The following KAZN variants were observed in gnomAD, a reference collection of about 807,000 sequenced individuals.
The protein encoded by KAZN is kazrin.
In KAZN, 40 loss-of-function variants were observed where a neutral mutation model predicts 87.4. That is an observed-to-expected ratio of 0.46 (90% CI 0.36 to 0.60). KAZN has a LOEUF of 0.60. Ranked by LOEUF, KAZN falls within the 20% of genes least tolerant of loss-of-function variation. KAZN has a pLI of 0.00. For synonymous variants in KAZN, 466 were observed against 458.3 expected, an observed-to-expected ratio of 1.02 and a Z score of -0.22; for missense variants, 898 against 1,073.9, an observed-to-expected ratio of 0.84 and a Z score of 2.29.
At chr1:14,286,569 T>C (rs1653268910) in intron 2 of KAZN, among the ~76,000 whole-genome samples, 1 of 152,214 alleles carries the variant, frequency 6.6e-6, no homozygotes, top group Non-Finnish European at 1.5e-5. Context: ...TATTAGCCAT[T>C]ATTACACACT....
chr1:14,624,990 A>T (rs1322709705), intron 1 of KAZN, among the ~76,000 whole-genome samples: 1 of 152,054 alleles, frequency 6.6e-6, no homozygotes. Flanking sequence ...TCTGGTTTTT[A>T]AAATTAAGTA....
chr1:14,998,651 C>T (rs1668146359), intron 2 of KAZN, among the ~76,000 whole-genome samples: 1 of 152,194 alleles, frequency 6.6e-6, no homozygotes. Flanking sequence ...CGTGTTCAAG[C>T]CATTCTCCTG....
At chr1:14,040,796 AAT>A (rs1557426875) in intron 1 of KAZN, among the ~76,000 whole-genome samples, 1 of 151,300 alleles carries the variant, frequency 6.6e-6, no homozygotes, top group Non-Finnish European at 1.5e-5. Flanking sequence ...AATTAAATTA[AAT>A]TAAAATAAAA....
chr1:14,045,346 A>C (rs964357852), intron 1 of KAZN, among the ~76,000 whole-genome samples: 1 of 152,244 alleles, frequency 6.6e-6, no homozygotes, highest in East Asian at 1.9e-4. Context: ...AGCATCATCC[A>C]TCAAGGACAG....
chr1:14,326,579 C>A (rs1046880878), intron 2 of KAZN, among the ~76,000 whole-genome samples: 1 of 152,140 alleles, frequency 6.6e-6, no homozygotes, highest in South Asian at 2.1e-4. Context: ...CCCCATCCTA[C>A]TCAAAATAAA....
intron 1 of KAZN, among the ~76,000 whole-genome samples, chr1:14,165,017 A>T (rs973054046): frequency 3.3e-5 from 5 of 151,846 alleles, no homozygotes; most frequent in African/African-American, 1.2e-4. Context: ...AAGCATGATT[A>T]TATGTCAAAT....
chr1:14,338,724 A>C (rs1207623156), intron 2 of KAZN, among the ~76,000 whole-genome samples: 1 of 152,198 alleles, frequency 6.6e-6, no homozygotes, highest in Non-Finnish European at 1.5e-5. Flanking sequence ...GCAGGGTAGG[A>C]AGCACCAAGG....
intron 1 of KAZN, among the ~76,000 whole-genome samples, chr1:14,134,837 A>G (rs1645069991): frequency 6.6e-6 from 1 of 152,082 alleles, no homozygotes; most frequent in South Asian, 2.1e-4. Context: ...AGCAATAAAG[A>G]CGGAAAATGG....
At chr1:14,330,420 T>G (rs1205033244) in intron 2 of KAZN, among the ~76,000 whole-genome samples, 11 of 152,180 alleles carry the variant, frequency 7.2e-5, no homozygotes, top group Admixed American at 7.2e-4. Context: ...ATCCTAGCTG[T>G]GCCAGTGAGG....
intron 2 of KAZN, among the ~76,000 whole-genome samples, chr1:14,347,904 A>C (rs1002097223): frequency 6.7e-6 from 1 of 149,580 alleles, no homozygotes; most frequent in African/African-American, 2.5e-5. Flanking sequence ...TCTTTTTTAG[A>C]GTCAGTGTCT....
At chr1:14,922,791 C>CGAAA (rs1658672422) in intron 1 of KAZN, among the ~76,000 whole-genome samples, 1 of 75,572 alleles carries the variant, frequency 1.3e-5, no homozygotes, top group Non-Finnish European at 2.6e-5. Context: ...GACTCTGTCT[C>CGAAA]AAAAAAAAAA....
chr1:14,261,967 C>A (rs78686313), intron 2 of KAZN, among the ~76,000 whole-genome samples: 1 of 152,122 alleles, frequency 6.6e-6, no homozygotes, highest in South Asian at 2.1e-4. Context: ...TGGCATACAT[C>A]ATGCTTTTAG....
intron 3 of KAZN, among the ~76,000 whole-genome samples, chr1:15,041,331 C>CTTTTTTTTTTTTTTTTTTTTTTTTTT (rs71000360): frequency 8.8e-6 from 1 of 114,136 alleles, no homozygotes; most frequent in African/African-American, 3.5e-5. Context: ...CATTTTTTTT[C>CTTTTTTTTTTTTTTTTTTTTTTTTTT]TTTTTTTTTT....
intron 1 of KAZN, among the ~76,000 whole-genome samples, chr1:14,786,318 C>T (rs1315068155): frequency 6.6e-6 from 1 of 152,144 alleles, no homozygotes; most frequent in African/African-American, 2.4e-5. Flanking sequence ...TATTTTAAGC[C>T]AGGCAATGCT....
chr1:14,812,354 G>A, intron 1 of KAZN, among the ~76,000 whole-genome samples: 1 of 152,186 alleles, frequency 6.6e-6, no homozygotes, highest in South Asian at 2.1e-4. Flanking sequence ...TTGAGCAACT[G>A]TACTCAGCAT....
In KAZN at chr1:14,642,180, A is replaced by T. The variant is rs555638432; in HGVS notation, c.226+42957A>T. On this transcript the variant is annotated intron_variant, in intron 1 of 14. Coordinates refer to ENST00000376030, the MANE Select transcript of KAZN (RefSeq NM_201628.3). Reference sequence around the variant, plus strand: ...TTTGGGAGGCCAAGGCGGGCAGATGACAAGCTCGGGAGATCGAGACCATCC... The same window carrying T: ...TTTGGGAGGCCAAGGCGGGCAGATGTCAAGCTCGGGAGATCGAGACCATCC... Among the ~76,000 whole-genome samples, 268 of 152,312 alleles carry T rather than the reference A, an allele frequency of 1.8e-3. 1 individual carries two copies. Among genetic ancestry groups the T allele is most frequent in the Non-Finnish European group, 3.3e-3 (222 of 68,030 alleles).
intron 10 of KAZN, among the ~76,000 whole-genome samples, chr1:15,097,779 T>C (rs2100695185): frequency 6.6e-6 from 1 of 152,144 alleles, no homozygotes; most frequent in South Asian, 2.1e-4. Flanking sequence ...GACTGCATCA[T>C]TACACTCCAG....
intron 2 of KAZN, among the ~76,000 whole-genome samples, chr1:14,484,298 T>A (rs1477816287): frequency 6.6e-6 from 1 of 152,186 alleles, no homozygotes; most frequent in Non-Finnish European, 1.5e-5. Context: ...CTATAGTCGA[T>A]AACAATGTAT....
At chr1:14,528,080 C>T (rs915105165) in intron 2 of KAZN, among the ~76,000 whole-genome samples, 2 of 151,732 alleles carry the variant, frequency 1.3e-5, no homozygotes, top group Non-Finnish European at 2.9e-5. Flanking sequence ...TCTTCCTCTC[C>T]ACTCTATGCA....
Sources: gnomAD v4.1 joint callset for allele counts (sites outside exome capture counted in the v4.1 genomes callset) on GRCh38, gnomAD v4.1.1 for gene constraint, MANE v1.5 for transcripts, NCBI Gene and HGNC (gene_info 2026-07-23, HGNC 2026-07-21) for gene names.